Variants in MPDZ observed in about 807,000 individuals in gnomAD.
MPDZ encodes multiple PDZ domain protein.
A neutral mutation model predicts 239.1 loss-of-function variants in MPDZ; 234 were observed. That is an observed-to-expected ratio of 0.98 (90% CI 0.88 to 1.09). MPDZ has a LOEUF of 1.09. Ranked by LOEUF, MPDZ falls within the 50% of genes least tolerant of loss-of-function variation. The probability of loss-of-function intolerance (pLI) is 0.00; values close to 1 mark genes in which losing one functional copy is unlikely to be tolerated. For synonymous variants in MPDZ, 1,048 were observed against 881.3 expected, an observed-to-expected ratio of 1.19 and a Z score of -3.35; for missense variants, 3,175 against 2,510.0, an observed-to-expected ratio of 1.26 and a Z score of -5.66.
At chr9:13,158,264 A>G (rs768425268) in intron 23 of MPDZ, among the ~76,000 whole-genome samples, 154 bp from the exon 24 acceptor site, 7 of 151,860 alleles carry the variant, frequency 4.6e-5, no homozygotes, top group Non-Finnish European at 1.0e-4. Context: ...CATCGGGGGG[A>G]AGAAAAACGT....
At chr9:13,263,719 G>A (rs1971204471) in intron 1 of MPDZ, among the ~76,000 whole-genome samples, 1 of 152,186 alleles carries the variant, frequency 6.6e-6, no homozygotes. Context: ...TCAGAGAGCA[G>A]GAGGGCAGGA....
intron 32 of MPDZ, among the ~76,000 whole-genome samples, chr9:13,127,428 C>G (rs1945284024): frequency 6.6e-6 from 1 of 152,172 alleles, no homozygotes; most frequent in Non-Finnish European, 1.5e-5. Context: ...ACCAAATGTT[C>G]AGAAATATTG....
intron 32 of MPDZ, among the ~76,000 whole-genome samples, chr9:13,130,134 A>G (rs1945744035): frequency 6.6e-6 from 1 of 152,212 alleles, no homozygotes; most frequent in Non-Finnish European, 1.5e-5. Flanking sequence ...TGTGTCAAAA[A>G]TAAATCTTTA....
intron 46 of MPDZ, among the ~76,000 whole-genome samples, chr9:13,107,936 C>G (rs1408630718): frequency 6.6e-6 from 1 of 152,130 alleles, no homozygotes; most frequent in Non-Finnish European, 1.5e-5. Context: ...GACTGTATGA[C>G]TCTTCTATTC....
intron 3 of MPDZ, among the ~76,000 whole-genome samples, chr9:13,226,571 T>A (rs1960680699): frequency 6.6e-6 from 1 of 152,058 alleles, no homozygotes; most frequent in South Asian, 2.1e-4. Context: ...CTTATTTCAT[T>A]CAGGTGTGCC....
chr9:13,119,944 C>T (rs780048576), intron 38 of MPDZ: 15 of 335,728 alleles, frequency 4.5e-5, no homozygotes, highest in Non-Finnish European at 8.3e-5. Flanking sequence ...GGTCACTCGG[C>T]TACTAAGTGG....
At chr9:13,207,625 TTGAC>T (rs1403454603) in intron 10 of MPDZ, among the ~76,000 whole-genome samples, 1 of 152,244 alleles carries the variant, frequency 6.6e-6, no homozygotes, top group Non-Finnish European at 1.5e-5. Context: ...CTTGATGTCT[TTGAC>T]TGCCGTCAAA....
intron 12 of MPDZ, among the ~76,000 whole-genome samples, chr9:13,202,659 A>C (rs1422811683): frequency 1.3e-5 from 2 of 152,190 alleles, no homozygotes. Context: ...GTGAAAGATT[A>C]CCAGACCAGT....
intron 22 of MPDZ, 125 bp from the exon 23 acceptor site, chr9:13,162,920 A>G: frequency 1.6e-6 from 1 of 623,610 alleles, no homozygotes; most frequent in Non-Finnish European, 2.8e-6. Context: ...CATACAACTC[A>G]TTTAATCAGT....
At chr9:13,113,809 T>C (rs1942906702) in intron 41 of MPDZ, 122 bp downstream of exon 41, 1 of 754,882 alleles carries the variant, frequency 1.3e-6, no homozygotes. Flanking sequence ...ACACGTGTTT[T>C]TGTACCTATA....
At chr9:13,166,317 C>T (rs1057326982) in intron 22 of MPDZ, among the ~76,000 whole-genome samples, 9 of 152,144 alleles carry the variant, frequency 5.9e-5, no homozygotes, top group Admixed American at 1.3e-4. Flanking sequence ...GGGCCAAAAA[C>T]ACTTCATGCA....
chr9:13,241,465 C>G (rs1965390538), intron 3 of MPDZ, among the ~76,000 whole-genome samples: 1 of 152,192 alleles, frequency 6.6e-6, no homozygotes, highest in Non-Finnish European at 1.5e-5. Flanking sequence ...CAAGTCATAA[C>G]TTAACCTAGA....
chr9:13,224,526 T>C lies in MPDZ; in HGVS notation c.241A>G (p.Ser81Gly), dbSNP rs1290879650. 1.5e-5 allele frequency: 24 copies of C among 1,612,594 alleles called. No homozygotes were observed. The highest frequency in any genetic ancestry group is 2.0e-5 in the Non-Finnish European group (24 of 1,179,192). Reference protein sequence around the residue: ...NIEYAHVPHLSPAVIPTLQNE... With the variant: ...NIEYAHVPHLGPAVIPTLQNE... Reference sequence around the variant, plus strand: ...TGCAGAGTAGGAATCACAGCTGGGCTGAGATGAGGAACGTGGGCATATTCA... The same window carrying C: ...TGCAGAGTAGGAATCACAGCTGGGCCGAGATGAGGAACGTGGGCATATTCA... Residue 81 changes from serine (S) to glycine (G), a missense_variant, in exon 4 of 47, where the codon AGC (serine) becomes GGC (glycine). By Grantham distance (56) the Ser-to-Gly change is moderately conservative. Transcript: ENST00000319217.
At chr9:13,197,238 A>G (rs571704387) in intron 12 of MPDZ, among the ~76,000 whole-genome samples, 27 of 152,068 alleles carry the variant, frequency 1.8e-4, no homozygotes, top group African/African-American at 6.0e-4. Flanking sequence ...AATTCAGTCC[A>G]GAGGTTAACA....
In MPDZ at chr9:13,183,674, G is replaced by T. The variant is rs143164446; in HGVS notation, c.2482-89C>A. 5.5e-4 allele frequency: 674 copies of T among 1,231,470 alleles called. 4 individuals are homozygous for T. The African/African-American group carries it at 8.6e-3, about 16-fold the overall frequency. 76.3% of individuals were successfully genotyped at this position (1,231,470 alleles called of 1,614,324 possible). On this transcript the variant is annotated intron_variant, in intron 18 of 46. Coordinates refer to ENST00000319217, the MANE Select transcript of MPDZ (RefSeq NM_001378778.1). The stretch of plus-strand genomic sequence containing the variant: ...CCACTTGAGACTAAAAGGCAAACTG[G>T]TATCATTCTTTTATCTATTGTATTT...
intron 35 of MPDZ, among the ~76,000 whole-genome samples, chr9:13,123,602 G>A (rs975026996): frequency 1.3e-5 from 2 of 152,102 alleles, no homozygotes; most frequent in African/African-American, 4.8e-5. Context: ...GAAGAAGAGA[G>A]AACAGAATTA....
chr9:13,184,778 G>A (rs1268710771), intron 18 of MPDZ, among the ~76,000 whole-genome samples: 1 of 151,936 alleles, frequency 6.6e-6, no homozygotes, highest in Non-Finnish European at 1.5e-5. Context: ...TCTTAGGAGA[G>A]ATATTAACAA....
intron 1 of MPDZ, among the ~76,000 whole-genome samples, chr9:13,261,088 T>C (rs1970581158): frequency 6.6e-6 from 1 of 152,084 alleles, no homozygotes; most frequent in Non-Finnish European, 1.5e-5. Flanking sequence ...TTAAGAAATA[T>C]TGAGAGAATA....
At chr9:13,235,750 CT>C (rs1265569589) in intron 3 of MPDZ, among the ~76,000 whole-genome samples, 5 of 152,250 alleles carry the variant, frequency 3.3e-5, no homozygotes, top group African/African-American at 1.2e-4. Flanking sequence ...GCACCTGCCC[CT>C]ATATAGGTAC....
Sources: allele counts gnomAD v4.1 joint callset (sites outside exome capture counted in the v4.1 genomes callset), GRCh38; gene constraint gnomAD v4.1.1; transcripts MANE v1.5; gene names NCBI Gene and HGNC (gene_info 2026-07-23, HGNC 2026-07-21).